Variants in TLL1 observed in about 807,000 individuals in gnomAD.
The protein encoded by TLL1 is tolloid like 1.
A neutral mutation model predicts 128.2 loss-of-function variants in TLL1; 49 were observed. The observed-to-expected ratio is 0.38, with a 90% confidence interval of 0.30 to 0.48. TLL1 has a LOEUF of 0.48. TLL1 is among the 20% of genes least tolerant of loss of function. The pLI, the probability that TLL1 is intolerant of heterozygous loss-of-function variation, is 0.96. For synonymous variants in TLL1, 454 were observed against 418.8 expected, an observed-to-expected ratio of 1.08 and a Z score of -1.03; for missense variants, 1,123 against 1,242.0, an observed-to-expected ratio of 0.90 and a Z score of 1.44.
chr4:165,873,829 AG>A lies in TLL1; in HGVS notation c.-75del. The A allele has an allele frequency of 1.3e-6, 2 of 1,562,052 alleles. No individual in the cohort carries two copies. On this transcript the variant is annotated 5_prime_UTR_variant, in exon 1 of 21. Transcript: ENST00000061240. ...TGGGGAGAAGAGCACCGGTGCCCCTAGCCCCGCACATCAGCGCGGACCGCGG... is the reference window on the plus strand; with the variant it reads ...TGGGGAGAAGAGCACCGGTGCCCCTACCCCGCACATCAGCGCGGACCGCGG...
At chr4:166,018,433 C>A (rs1738055020) in intron 8 of TLL1, among the ~76,000 whole-genome samples, 1 of 151,970 alleles carries the variant, frequency 6.6e-6, no homozygotes, top group Non-Finnish European at 1.5e-5. Context: ...AACGATTCAA[C>A]AAAAATAAAA....
chr4:165,889,807 T>G (rs1238419818), intron 1 of TLL1, among the ~76,000 whole-genome samples: 1 of 152,210 alleles, frequency 6.6e-6, no homozygotes, highest in Non-Finnish European at 1.5e-5. Flanking sequence ...GGTTTCCATT[T>G]TTTCTTTATT....
chr4:166,093,142 C>A (rs1038345653), intron 19 of TLL1, among the ~76,000 whole-genome samples: 4 of 152,078 alleles, frequency 2.6e-5, no homozygotes, highest in African/African-American at 9.7e-5. Flanking sequence ...AAATAAGACA[C>A]GGAGACAAAG....
intron 14 of TLL1, among the ~76,000 whole-genome samples, chr4:166,057,719 G>T (rs1196138644): frequency 6.6e-6 from 1 of 152,180 alleles, no homozygotes; most frequent in Non-Finnish European, 1.5e-5. Flanking sequence ...AAGAGCAAAG[G>T]CACGTCGTAT....
intron 1 of TLL1, among the ~76,000 whole-genome samples, chr4:165,974,362 G>A (rs1389054283): frequency 7.7e-6 from 1 of 129,264 alleles, no homozygotes; most frequent in Non-Finnish European, 1.5e-5. Flanking sequence ...GGATGGCCTC[G>A]ATCTCCTGAC....
rs144868916 is a variant in TLL1 at position 166,074,651 on chromosome 4, G to A, written c.2189-227G>A. 6.6e-5 allele frequency among the ~76,000 whole-genome samples: 10 copies of A among 152,028 alleles called. No homozygotes were observed. In the East Asian group the frequency reaches 1.2e-3, roughly 18 times the overall value. ...TAAAAGAGGATTACAAGTTATTATC[G>A]TAGCGCTAATAGTCTTGGAAACTTG... On this transcript the variant is annotated intron_variant, in intron 16 of 20. Transcript: ENST00000061240.
chr4:165,982,754 A>C (rs978162729), intron 1 of TLL1, among the ~76,000 whole-genome samples: 16 of 146,694 alleles, frequency 1.1e-4, no homozygotes, highest in African/African-American at 3.8e-4. Flanking sequence ...AAAAAAAAGC[A>C]AATTTGCATG....
intron 13 of TLL1, among the ~76,000 whole-genome samples, chr4:166,056,128 CT>C (rs1388475218): frequency 6.6e-6 from 1 of 151,972 alleles, no homozygotes; most frequent in Non-Finnish European, 1.5e-5. Context: ...AAGCTTGGCA[CT>C]TTTACTACAG....
chr4:166,021,432 C>CTTTTTTT (rs113942126), intron 8 of TLL1, among the ~76,000 whole-genome samples: 1 of 120,450 alleles, frequency 8.3e-6, no homozygotes. Context: ...TTATTTTTGC[C>CTTTTTTT]TTTTTTTTTT....
At chr4:165,931,635 C>T (rs1404468526) in intron 1 of TLL1, among the ~76,000 whole-genome samples, 2 of 147,716 alleles carry the variant, frequency 1.4e-5, no homozygotes, top group African/African-American at 2.5e-5. Flanking sequence ...AGGAGAGTGG[C>T]GTGAACCAGG....
intron 1 of TLL1, among the ~76,000 whole-genome samples, chr4:165,922,289 T>G (rs1380979651): frequency 6.6e-6 from 1 of 152,240 alleles, no homozygotes; most frequent in Admixed American, 6.5e-5. Context: ...CATCAAATAC[T>G]TGCTATGATT....
intron 9 of TLL1, among the ~76,000 whole-genome samples, chr4:166,032,528 G>A (rs184176365): frequency 6.6e-6 from 1 of 152,116 alleles, no homozygotes; most frequent in East Asian, 1.9e-4. Flanking sequence ...TTATGCCTGA[G>A]GGCATAGAAG....
At chr4:165,913,616 C>T (rs1732646730) in intron 1 of TLL1, among the ~76,000 whole-genome samples, 1 of 152,146 alleles carries the variant, frequency 6.6e-6, no homozygotes, top group South Asian at 2.1e-4. Context: ...TACAATTTAA[C>T]AGCTGTCTCT....
At position 165,968,144 on chromosome 4, in the gene TLL1, G is replaced by A. The variant is rs566934041; in HGVS notation, c.170-21237G>A. Among the ~76,000 whole-genome samples, 43 of 152,288 alleles carry A rather than the reference G, an allele frequency of 2.8e-4. 1 individual carries two copies. In the South Asian group the frequency reaches 7.9e-3, roughly 28 times the overall value. On this transcript the variant is annotated intron_variant, in intron 1 of 20. Transcript: ENST00000061240. Reference sequence around the variant, plus strand: ...ACATCAGAGAAAACTTTCTATGAGCGTTTTACCTGTCTTTGGTCTCCAAAT... The same window carrying A: ...ACATCAGAGAAAACTTTCTATGAGCATTTTACCTGTCTTTGGTCTCCAAAT...
At chr4:165,956,026 G>A (rs1734770323) in intron 1 of TLL1, among the ~76,000 whole-genome samples, 1 of 152,086 alleles carries the variant, frequency 6.6e-6, no homozygotes, top group Admixed American at 6.6e-5. Flanking sequence ...TTCTAAAGGG[G>A]AGGGGGTGTA....
At chr4:166,100,457 T>C (rs1258839336) in intron 20 of TLL1, among the ~76,000 whole-genome samples, 2 of 152,070 alleles carry the variant, frequency 1.3e-5, no homozygotes, top group Non-Finnish European at 2.9e-5. Context: ...GGAAAAACAC[T>C]CAAGTTCTAG....
chr4:166,046,768 A>G (rs1739476029), intron 12 of TLL1, among the ~76,000 whole-genome samples: 1 of 152,204 alleles, frequency 6.6e-6, no homozygotes, highest in Admixed American at 6.5e-5. Context: ...GCGTCTTTAA[A>G]CAGAAACGCA....
chr4:165,880,162 T>A (rs1281255302), intron 1 of TLL1, among the ~76,000 whole-genome samples: 3 of 152,228 alleles, frequency 2.0e-5, no homozygotes, highest in Non-Finnish European at 4.4e-5. Flanking sequence ...GCTTATTTAT[T>A]TCATTCTTGT....
rs1742369881 is a variant in TLL1 at position 166,103,246 on chromosome 4, G to A, written c.*2370G>A. 1 of 151,788 alleles carries A rather than the reference G, an allele frequency of 6.6e-6. No homozygotes were observed. 9.4% of individuals were successfully genotyped at this position (151,788 alleles called of 1,614,324 possible). ...TTATGGTGAAACTTTCCCACATAAAGTAAATTTTAGGGGTGAATTAGAGTA... is the reference window on the plus strand; with the variant it reads ...TTATGGTGAAACTTTCCCACATAAAATAAATTTTAGGGGTGAATTAGAGTA... On this transcript the variant is annotated 3_prime_UTR_variant, in exon 21 of 21. Coordinates refer to ENST00000061240, the MANE Select transcript of TLL1 (RefSeq NM_012464.5).
Sources: allele counts gnomAD v4.1 joint callset (sites outside exome capture counted in the v4.1 genomes callset), GRCh38; gene constraint gnomAD v4.1.1; transcripts MANE v1.5; gene names NCBI Gene and HGNC (gene_info 2026-07-23, HGNC 2026-07-21).